The following PADI3 variants were observed in gnomAD, a reference collection of about 807,000 sequenced individuals.
PADI3 encodes protein-arginine deiminase type-3.
PADI3 carries 53 observed loss-of-function variants against 71.5 expected under a neutral mutation model. The ratio of observed to expected loss-of-function variants is 0.74; its 90% confidence interval spans 0.59 to 0.93. The LOEUF (loss-of-function observed/expected upper bound fraction) is 0.93, where lower values mean the gene tolerates loss of function less well. Ranked by LOEUF, PADI3 falls within the 40% of genes least tolerant of loss-of-function variation. The pLI, the probability that PADI3 is intolerant of heterozygous loss-of-function variation, is 0.00. For synonymous variants in PADI3, 361 were observed against 347.5 expected, an observed-to-expected ratio of 1.04 and a Z score of -0.43; for missense variants, 821 against 868.0, an observed-to-expected ratio of 0.95 and a Z score of 0.68.
rs1418871694 is a variant in PADI3, at chr1:17,262,216, G to A, written c.346+11G>A. The A allele has an allele frequency of 6.3e-7, 1 of 1,598,736 alleles. No individual in the cohort carries two copies. The highest frequency in any genetic ancestry group is 8.5e-7 in the Non-Finnish European group (1 of 1,173,792). ...ACCTCACCTGTGTTGGTAAGTTGGG[G>A]GCCATGTTGATGGTGTGGCCAAGGG... On this transcript the variant is annotated intron_variant, in intron 3 of 15. Transcript: ENST00000375460.
chr1:17,276,808 G>A lies in PADI3; in HGVS notation c.1487G>A (p.Cys496Tyr), dbSNP rs1251187815. ...ATGCTCCTGGCCAGCCCTGGGGCCT[G>A]CTTCAAGCTCTTCCAGGAAAAGCAG... ...FRMLLASPGA[C>Y]FKLFQEKQKC... is the part of the protein sequence containing the mutation. Residue 496 changes from cysteine (C) to tyrosine (Y), a missense_variant, in exon 13 of 16, where the codon TGC becomes TAC. Cys to Tyr is a radical substitution (Grantham distance 194, BLOSUM62 -2). Coordinates refer to ENST00000375460, the MANE Select transcript of PADI3 (RefSeq NM_016233.2). 1 of 1,613,572 alleles carries A rather than the reference G, an allele frequency of 6.2e-7. No individual in the cohort carries two copies. The highest frequency in any genetic ancestry group is 1.3e-5 in the African/African-American group (1 of 74,944).
chr1:17,267,889 C>T lies in PADI3; in HGVS notation c.579C>T (p.Leu193=), dbSNP rs765781553. The T allele has an allele frequency of 6.2e-7, 1 of 1,614,204 alleles. No homozygotes were observed. Among genetic ancestry groups the T allele is most frequent in the Non-Finnish European group, 8.5e-7 (1 of 1,180,040 alleles). ...TGCGGACGCAGGGCCCTGCAGCCCT[C>T]TTTGATGACCACAAACTTGTCCTCC... The part of the protein sequence containing the change: ...MVLRTQGPAA[L]FDDHKLVLHT... Residue 193 remains leucine, a synonymous_variant, in exon 6 of 16, where the codon CTC becomes CTT. Transcript: ENST00000375460.
intron 9 of PADI3, among the ~76,000 whole-genome samples, chr1:17,272,405 T>C (rs2073267612): frequency 6.6e-6 from 1 of 152,244 alleles, no homozygotes. Context: ...TGGGGCACGA[T>C]GGGCTGGGTT....
rs1332268097 is a variant in PADI3, at chr1:17,259,685, G to A, written c.200G>A (p.Arg67Gln). The A allele has an allele frequency of 4.3e-6, 7 of 1,613,588 alleles. No homozygotes were observed. The highest frequency in any genetic ancestry group is 1.7e-5 in the Admixed American group (1 of 59,974). Residue 67 changes from arginine to glutamine, a missense_variant, in exon 2 of 16, where the codon CGG becomes CAG. Arg to Gln is a conservative substitution (Grantham distance 43, BLOSUM62 1). Transcript: ENST00000375460. Reference sequence around the variant, plus strand: ...GGCCGGGAGCGTGCAGACACCAGGCGGTGGCGCTTTGACGCGACTTTGGAG... The same window carrying A: ...GGCCGGGAGCGTGCAGACACCAGGCAGTGGCGCTTTGACGCGACTTTGGAG... ...ERGRERADTR[R>Q]WRFDATLEII...
At chr1:17,281,448 T>TCC (rs2073399370) in intron 15 of PADI3, among the ~76,000 whole-genome samples, 1 of 19,902 alleles carries the variant, frequency 5.0e-5, no homozygotes, top group Admixed American at 9.6e-4. Context: ...TTTTCTTTTT[T>TCC]TCTTTTTTTT....
rs371866777 is a variant in PADI3 at position 17,262,154 on chromosome 1, A to G, written c.295A>G (p.Ser99Gly). Residue 99 changes from serine (S) to glycine (G), a missense_variant, in exon 3 of 16, where the codon AGC becomes GGC. Transcript: ENST00000375460. ...DSHVQISYHS[S>G]HEPLPLAYAV... ...ACAGGTTCAGATTTCCTACCACTCCAGCCATGAGCCTCTGCCCCTGGCCTA... is the reference window on the plus strand; with the variant it reads ...ACAGGTTCAGATTTCCTACCACTCCGGCCATGAGCCTCTGCCCCTGGCCTA... The G allele has an allele frequency of 5.0e-6, 8 of 1,613,328 alleles. No individual in the cohort carries two copies. In the African/African-American group the frequency reaches 1.1e-4, roughly 22 times the overall value.
intron 15 of PADI3, 25 bp downstream of exon 15, chr1:17,280,821 T>C (rs1487424919): frequency 1.9e-6 from 3 of 1,611,212 alleles, no homozygotes; most frequent in Non-Finnish European, 1.7e-6. Context: ...CATGACTCCT[T>C]TGCCAAATCA....
intron 4 of PADI3, among the ~76,000 whole-genome samples, chr1:17,265,957 G>A (rs1334718519): frequency 6.6e-6 from 1 of 152,196 alleles, no homozygotes; most frequent in Admixed American, 6.5e-5. Context: ...TGGTTTGTGG[G>A]ATCAAGACCT....
Position 17,283,928 on chromosome 1 carries a change from G to A in PADI3, c.*849G>A, listed in dbSNP as rs74433608. 594 of 152,378 alleles carry A rather than the reference G, an allele frequency of 3.9e-3. 7 individuals are homozygous for A. Among genetic ancestry groups the A allele is most frequent in the Non-Finnish European group, 4.8e-3 (324 of 68,090 alleles). 9.4% of individuals were successfully genotyped at this position (152,378 alleles called of 1,614,324 possible). A position where few individuals can be genotyped will look rare whatever the true frequency, so the allele number is the denominator to read the frequency against. ...GGTTAATATTAGGTGTCTGGAGAAG[G>A]TTGCTTCATTGGCCCTGGGACTTCT... On this transcript the variant is annotated 3_prime_UTR_variant, in exon 16 of 16. Transcript: ENST00000375460.
rs777100134 is a variant in PADI3 at position 17,267,980 on chromosome 1, C to A, written c.652+18C>A. On this transcript the variant is annotated intron_variant, in intron 6 of 15. Transcript: ENST00000375460. ...CATCTGCGGTGAGTTTGTGCCACTG[C>A]CCCTTGCCATCTGTGCCCTGTTGCC... is the stretch of plus-strand genomic sequence containing the variant. The A allele has an allele frequency of 1.9e-6, 3 of 1,613,464 alleles. No individual in the cohort carries two copies. The highest frequency in any genetic ancestry group is 2.5e-6 in the Non-Finnish European group (3 of 1,179,920).
intron 1 of PADI3, among the ~76,000 whole-genome samples, chr1:17,253,102 G>A (rs16824388): frequency 0.032 from 4,923 of 152,312 alleles, 265 homozygotes; most frequent in African/African-American, 0.11. Context: ...CAATTCAAAC[G>A]AAGGATCTCT....
chr1:17,282,712 C>T (rs1410688123), intron 15 of PADI3, 134 bp from the exon 16 acceptor site: 1 of 687,478 alleles, frequency 1.5e-6, no homozygotes, highest in East Asian at 2.7e-5. Flanking sequence ...TAGCCAGTTA[C>T]CTTCTCATTG....
At chr1:17,264,037 CTA>C in intron 3 of PADI3, among the ~76,000 whole-genome samples, 1 of 152,270 alleles carries the variant, frequency 6.6e-6, no homozygotes, top group South Asian at 2.1e-4. Flanking sequence ...TATAGAGAAT[CTA>C]TATTTTTTAA....
rs756539770 is a variant in PADI3, at chr1:17,280,764, A to G, written c.1729A>G (p.Arg577Gly). The part of the protein sequence containing the change: ...IDIPQLFKTE[R>G]KKATAFFPDL... ...CATCCCACAGCTCTTCAAGACCGAG[A>G]GGAAAAAAGCAACGGCCTTCTTCCC... Residue 577 changes from arginine to glycine, a missense_variant, in exon 15 of 16, where the codon AGG becomes GGG. Coordinates refer to ENST00000375460, the MANE Select transcript of PADI3 (RefSeq NM_016233.2). 2 of 1,614,124 alleles carry G rather than the reference A, an allele frequency of 1.2e-6. No individual in the cohort carries two copies. Among genetic ancestry groups the G allele is most frequent in the Non-Finnish European group, 1.7e-6 (2 of 1,179,996 alleles).
intron 3 of PADI3, among the ~76,000 whole-genome samples, chr1:17,263,450 G>A (rs1347823934): frequency 2.0e-5 from 3 of 152,010 alleles, no homozygotes. Context: ...TTATCATGTG[G>A]CAATAAATGA....
chr1:17,270,022 G>A (rs1324328087), intron 6 of PADI3, among the ~76,000 whole-genome samples: 5 of 152,114 alleles, frequency 3.3e-5, no homozygotes, highest in Admixed American at 2.6e-4. Flanking sequence ...AAAAAGGTAT[G>A]AGCGCCAGTC....
chr1:17,273,550 C>G (rs1281081758), intron 10 of PADI3, 103 bp downstream of exon 10: 6 of 658,594 alleles, frequency 9.1e-6, no homozygotes, highest in Non-Finnish European at 1.6e-5. Context: ...GAACCGTGCT[C>G]TTTAGGGATG....
chr1:17,252,932 C>T (rs1405929635), intron 1 of PADI3, among the ~76,000 whole-genome samples: 1 of 152,152 alleles, frequency 6.6e-6, no homozygotes, highest in African/African-American at 2.4e-5. Flanking sequence ...CACAGGTGGG[C>T]TTGGAGAGCA....
At chr1:17,273,208 G>T in intron 9 of PADI3, 132 bp from the exon 10 acceptor site, 2 of 640,376 alleles carry the variant, frequency 3.1e-6, no homozygotes, top group Non-Finnish European at 5.3e-6. Context: ...GGTCCTGTCC[G>T]CCTCCAAGCA....
Sources: gnomAD v4.1 joint callset for allele counts (sites outside exome capture counted in the v4.1 genomes callset) on GRCh38, gnomAD v4.1.1 for gene constraint, MANE v1.5 for transcripts, NCBI Gene and HGNC (gene_info 2026-07-23, HGNC 2026-07-21) for gene names.